IMMP2L: variants seen among roughly 807,000 people sequenced by gnomAD.
IMMP2L encodes the protein mitochondrial inner membrane protease subunit 2.
Under a neutral mutation model 19.3 loss-of-function variants are expected in IMMP2L, and 18 were observed. That is an observed-to-expected ratio of 0.93 (90% CI 0.64 to 1.38). The LOEUF (loss-of-function observed/expected upper bound fraction) is 1.38. IMMP2L is among the 40% of genes most tolerant of loss of function. The pLI is 0.00. For missense variants in IMMP2L, 233 were observed against 218.2 expected (o/e 1.07, Z -0.43); for synonymous variants, 76 against 73.0 (o/e 1.04, Z -0.21).
chr7:110,784,810 C>G (rs1799960538), intron 5 of IMMP2L, among the ~76,000 whole-genome samples: 1 of 151,836 alleles, frequency 6.6e-6, no homozygotes, highest in African/African-American at 2.4e-5. Context: ...TTTCAAAGCT[C>G]TACTTAGAGC....
intron 3 of IMMP2L, among the ~76,000 whole-genome samples, chr7:111,146,656 T>A (rs1033548693): frequency 2.0e-5 from 3 of 152,036 alleles, no homozygotes; most frequent in African/African-American, 7.2e-5. Flanking sequence ...AAGAACCAAG[T>A]CTGCTCTATG....
At chr7:110,956,644 A>C (rs1250857705) in intron 4 of IMMP2L, among the ~76,000 whole-genome samples, 2 of 151,944 alleles carry the variant, frequency 1.3e-5, no homozygotes, top group Non-Finnish European at 2.9e-5. Context: ...TTAGATGATA[A>C]GTTATATGGT....
At chr7:111,151,234 A>G (rs1341319786) in intron 3 of IMMP2L, among the ~76,000 whole-genome samples, 3 of 152,210 alleles carry the variant, frequency 2.0e-5, no homozygotes, top group South Asian at 4.1e-4. Flanking sequence ...AGTTCTACTG[A>G]TAGCCATTTG....
chr7:110,993,760 T>C (rs1403600584), intron 3 of IMMP2L, among the ~76,000 whole-genome samples: 3 of 152,056 alleles, frequency 2.0e-5, no homozygotes, highest in Non-Finnish European at 4.4e-5. Context: ...CCTGCTCCCC[T>C]ACTGCCAAAA....
At position 110,706,235 on chromosome 7, in the gene IMMP2L, T is replaced by C. The variant is rs935079207; in HGVS notation, c.409-42514A>G. On this transcript the variant is annotated intron_variant, in intron 5 of 5. Coordinates refer to ENST00000405709, the MANE Select transcript of IMMP2L (RefSeq NM_032549.4). ...CTTCTGCCTCAGCCTCCCAAGTAGC[T>C]GGGACTATGAGCATGTGCCACCATG... 1.4e-4 allele frequency among the ~76,000 whole-genome samples: 21 copies of C among 152,098 alleles called. No homozygotes were observed. The South Asian group carries it at 2.1e-3, about 15-fold the overall frequency.
rs776069117 is a variant in IMMP2L at position 111,123,017 on chromosome 7, C to T, written c.240-159452G>A. The T allele has an allele frequency of 1.1e-5, 17 of 1,613,844 alleles. No homozygotes were observed. Among genetic ancestry groups the T allele is most frequent in the Non-Finnish European group, 1.4e-5 (16 of 1,179,904 alleles). Reference sequence around the variant, plus strand: ...CTTCTCCTACAGACTAACAATATTGCAAAAATTGAATACTCCACAGACTTT... The same window carrying T: ...CTTCTCCTACAGACTAACAATATTGTAAAAATTGAATACTCCACAGACTTT... On this transcript the variant is annotated intron_variant, in intron 3 of 5. Coordinates refer to ENST00000405709, the MANE Select transcript of IMMP2L (RefSeq NM_032549.4). The surrounding 1 kb of genome is among the most constrained non-coding windows in gnomAD (Gnocchi z 6.4).
At chr7:110,884,227 A>G (rs1809983333) in intron 5 of IMMP2L, among the ~76,000 whole-genome samples, 1 of 152,080 alleles carries the variant, frequency 6.6e-6, no homozygotes. Context: ...CATGGCTACA[A>G]TAGAAAATGT....
At chr7:110,759,258 C>A (rs1008727739) in intron 5 of IMMP2L, among the ~76,000 whole-genome samples, 1 of 152,070 alleles carries the variant, frequency 6.6e-6, no homozygotes, top group African/African-American at 2.4e-5. Context: ...TGCTATGACA[C>A]TGAACAGGCT....
At chr7:110,953,713 T>C (rs1412303012) in intron 4 of IMMP2L, among the ~76,000 whole-genome samples, 2 of 152,148 alleles carry the variant, frequency 1.3e-5, no homozygotes, top group Non-Finnish European at 2.9e-5. Flanking sequence ...AAATAGTATT[T>C]CTGGTTCTAG....
chr7:110,847,864 A>G (rs1463818382), intron 5 of IMMP2L, among the ~76,000 whole-genome samples: 2 of 152,116 alleles, frequency 1.3e-5, no homozygotes, highest in Non-Finnish European at 2.9e-5. Flanking sequence ...GCAAAATAAT[A>G]ATAATAAAAA....
chr7:110,813,545 A>G (rs1187989628), intron 5 of IMMP2L, among the ~76,000 whole-genome samples: 1 of 151,584 alleles, frequency 6.6e-6, no homozygotes, highest in African/African-American at 2.4e-5. Flanking sequence ...CTCCCACTTC[A>G]GACTCCTGAG....
chr7:110,782,912 T>C (rs1799832533), intron 5 of IMMP2L, among the ~76,000 whole-genome samples: 1 of 151,796 alleles, frequency 6.6e-6, no homozygotes, highest in African/African-American at 2.4e-5. Context: ...AAAATGAAAC[T>C]GAAGAAAATG....
chr7:111,017,010 C>A (rs1464431043), intron 3 of IMMP2L, among the ~76,000 whole-genome samples: 1 of 128,060 alleles, frequency 7.8e-6, no homozygotes, highest in African/African-American at 3.0e-5. Context: ...TATATATAAA[C>A]ATTATAGTCA....
intron 2 of IMMP2L, among the ~76,000 whole-genome samples, chr7:111,516,646 A>G (rs1338878060): frequency 6.6e-6 from 1 of 152,146 alleles, no homozygotes; most frequent in Admixed American, 6.6e-5. Context: ...TTACAAATTT[A>G]TCACTCACCA....
chr7:111,503,962 T>A (rs1434371901), intron 2 of IMMP2L, among the ~76,000 whole-genome samples: 1 of 152,006 alleles, frequency 6.6e-6, no homozygotes, highest in Admixed American at 6.6e-5. Flanking sequence ...TGTTGGAAAT[T>A]CTGGCCAGTG....
chr7:111,513,278 C>T lies in IMMP2L; in HGVS notation c.135+8035G>A, dbSNP rs548980936. Among the ~76,000 whole-genome samples the T allele has an allele frequency of 2.0e-5, 3 of 152,044 alleles. No individual in the cohort carries two copies. In the South Asian group the frequency reaches 6.2e-4, roughly 32 times the overall value. On this transcript the variant is annotated intron_variant, in intron 2 of 5. Coordinates refer to ENST00000405709, the MANE Select transcript of IMMP2L (RefSeq NM_032549.4). Reference sequence around the variant, plus strand: ...AAACAACTCTATAGCAAGAAAACAACTTGATTTTAAAATAGGAAAAAGACC... The same window carrying T: ...AAACAACTCTATAGCAAGAAAACAATTTGATTTTAAAATAGGAAAAAGACC...
At chr7:110,826,818 CT>C (rs1291403040) in intron 5 of IMMP2L, among the ~76,000 whole-genome samples, 2 of 151,686 alleles carry the variant, frequency 1.3e-5, no homozygotes, top group Non-Finnish European at 2.9e-5. Flanking sequence ...CACATGTACC[CT>C]AGAACTTAAA....
At chr7:110,941,927 G>A (rs901202694) in intron 4 of IMMP2L, among the ~76,000 whole-genome samples, 1 of 150,694 alleles carries the variant, frequency 6.6e-6, no homozygotes, top group Non-Finnish European at 1.5e-5. Context: ...TTGTCAAAAC[G>A]AAACAGCTAT....
intron 5 of IMMP2L, among the ~76,000 whole-genome samples, chr7:110,752,332 T>A (rs962433616): frequency 6.6e-6 from 1 of 152,090 alleles, no homozygotes; most frequent in Non-Finnish European, 1.5e-5. Flanking sequence ...ATGCCTTTAT[T>A]GTCTTGATCT....
Sources: gnomAD v4.1 joint callset for allele counts (sites outside exome capture counted in the v4.1 genomes callset) on GRCh38, gnomAD v4.1.1 for gene constraint, Gnocchi (gnomAD v3.1) non-coding constraint, MANE v1.5 for transcripts, NCBI Gene and HGNC (gene_info 2026-07-23, HGNC 2026-07-21) for gene names.